The following CFAP61 variants were observed in gnomAD, a reference collection of about 807,000 sequenced individuals.
CFAP61 encodes cilia- and flagella-associated protein 61.
CFAP61 carries 107 observed loss-of-function variants against 135.6 expected under a neutral mutation model. That is an observed-to-expected ratio of 0.79 (90% confidence interval 0.67 to 0.93). The LOEUF is 0.93. Among genes scored for constraint, CFAP61 ranks in the 40% least tolerant of loss-of-function variants. The pLI, the probability that CFAP61 is intolerant of heterozygous loss-of-function variation, is 0.00. For synonymous variants in CFAP61, 575 were observed against 578.5 expected (o/e 0.99, Z 0.09); for missense variants, 1,507 against 1,556.2 (o/e 0.97, Z 0.53).
intron 13 of CFAP61, 119 bp from the exon 14 acceptor site, chr20:20,187,811 T>A: frequency 1.3e-6 from 1 of 769,700 alleles, no homozygotes; most frequent in South Asian, 1.9e-5. Flanking sequence ...CAGTGTTATA[T>A]AAACATACTT....
In CFAP61 at chr20:20,353,809, T is replaced by G. The variant is rs116081277; in HGVS notation, c.3514-6401T>G. Among the ~76,000 whole-genome samples the G allele has an allele frequency of 3.6e-3, 551 of 152,354 alleles. 7 individuals carry two copies. Among genetic ancestry groups the G allele is most frequent in the African/African-American group, 0.013 (525 of 41,584 alleles). On this transcript the variant is annotated intron_variant, in intron 26 of 26. Transcript: ENST00000245957. ...AGCTACCACCTCACCCTTGTTAGTA[T>G]GGCTGTTATAGATAAAAGGTTGGCA...
chr20:20,082,421 C>T (rs1251865566), intron 6 of CFAP61, among the ~76,000 whole-genome samples: 1 of 152,180 alleles, frequency 6.6e-6, no homozygotes, highest in African/African-American at 2.4e-5. Flanking sequence ...AGTGAAGTTA[C>T]TGTTCTGTAC....
chr20:20,156,543 A>T (rs1396651146), intron 9 of CFAP61, among the ~76,000 whole-genome samples: 2 of 152,190 alleles, frequency 1.3e-5, no homozygotes, highest in Non-Finnish European at 2.9e-5. Context: ...GTGCAAAAAG[A>T]TAGGAAAAGA....
At position 20,105,203 on chromosome 20, in the gene CFAP61, C is replaced by T. The variant is rs534332001; in HGVS notation, c.859+6389C>T. On this transcript the variant is annotated intron_variant, in intron 8 of 26. Coordinates refer to ENST00000245957, the MANE Select transcript of CFAP61 (RefSeq NM_015585.4). ...CCGCACCCACCCAACCTTCTGTGCC[C>T]GAGGAAAGTCCCTGTGTCCCACCAA... Among the ~76,000 whole-genome samples, 10 of 152,194 alleles carry T rather than the reference C, an allele frequency of 6.6e-5. No individual in the cohort carries two copies. The South Asian group carries it at 1.5e-3, about 22-fold the overall frequency.
chr20:20,203,497 G>C (rs1166364044), intron 17 of CFAP61, among the ~76,000 whole-genome samples: 1 of 151,936 alleles, frequency 6.6e-6, no homozygotes, highest in East Asian at 1.9e-4. Context: ...GTTTTTGTTG[G>C]TACACAGTAG....
At chr20:20,214,141 G>A (rs2146922822) in intron 17 of CFAP61, among the ~76,000 whole-genome samples, 1 of 152,236 alleles carries the variant, frequency 6.6e-6, no homozygotes, top group East Asian at 1.9e-4. Flanking sequence ...AGGGCAGTGT[G>A]GGGCCCTCTC....
chr20:20,106,048 AT>A (rs1808995207), intron 8 of CFAP61, among the ~76,000 whole-genome samples: 4 of 105,488 alleles, frequency 3.8e-5, no homozygotes, highest in Admixed American at 9.2e-5. Context: ...ATATATATAT[AT>A]AAAATTTGAT....
intron 22 of CFAP61, among the ~76,000 whole-genome samples, chr20:20,279,329 A>G (rs1206003942): frequency 6.6e-6 from 1 of 152,226 alleles, no homozygotes; most frequent in African/African-American, 2.4e-5. Context: ...CTAAAAGCCT[A>G]CTGTTGACCA....
rs775831766 is a variant in CFAP61, at chr20:20,263,011, C to G, written c.2384C>G (p.Pro795Arg). The G allele has an allele frequency of 2.9e-5, 46 of 1,613,776 alleles. 1 individual carries two copies. The East Asian group carries it at 1.0e-3, about 35-fold the overall frequency. The change falls in exon 21 of 27, where the codon CCC becomes CGC. Residue 795 changes from proline to arginine, a missense_variant. Pro to Arg is a moderately radical substitution (Grantham distance 103). Coordinates refer to ENST00000245957, the MANE Select transcript of CFAP61 (RefSeq NM_015585.4). The part of the protein sequence containing the change: ...ISQHLTNREV[P>R]NSSQRRYTGK... ...CAACACCTGACAAACAGGGAGGTTCCCAACAGCAGTCAGCGGCGGTACACG... is the reference window on the plus strand; with the variant it reads ...CAACACCTGACAAACAGGGAGGTTCGCAACAGCAGTCAGCGGCGGTACACG...
At chr20:20,078,026 A>C (rs1027395988) in intron 6 of CFAP61, among the ~76,000 whole-genome samples, 2 of 152,246 alleles carry the variant, frequency 1.3e-5, no homozygotes, top group Non-Finnish European at 2.9e-5. Context: ...GTCATTTCAA[A>C]GTATGTCAAA....
rs180891391 is a variant in CFAP61 at position 20,275,678 on chromosome 20, A to G, written c.2504-1488A>G. Among the ~76,000 whole-genome samples the G allele has an allele frequency of 2.2e-3, 342 of 152,318 alleles. 2 individuals carry two copies. The highest frequency in any genetic ancestry group is 8.1e-3 in the African/African-American group (335 of 41,566). On this transcript the variant is annotated intron_variant, in intron 21 of 26. Transcript: ENST00000245957. Reference sequence around the variant, plus strand: ...ATCCTTAGCTGTGTGAGACCTAAACACACTTAAATTCGTTCAACTGAAAAT... The same window carrying G: ...ATCCTTAGCTGTGTGAGACCTAAACGCACTTAAATTCGTTCAACTGAAAAT...
chr20:20,338,126 T>G (rs1175505311), intron 25 of CFAP61, among the ~76,000 whole-genome samples: 6 of 152,274 alleles, frequency 3.9e-5, no homozygotes, highest in African/African-American at 1.4e-4. Flanking sequence ...GGCTGCTTCA[T>G]AGAGAGGAAA....
At chr20:20,151,525 C>T (rs1322232204) in intron 9 of CFAP61, among the ~76,000 whole-genome samples, 1 of 151,906 alleles carries the variant, frequency 6.6e-6, no homozygotes, top group Non-Finnish European at 1.5e-5. Flanking sequence ...TCTAGACATC[C>T]AAATATAAGA....
intron 18 of CFAP61, among the ~76,000 whole-genome samples, chr20:20,245,664 A>G (rs1026270911): frequency 1.3e-5 from 2 of 152,188 alleles, no homozygotes; most frequent in African/African-American, 2.4e-5. Flanking sequence ...TAGGGATAAT[A>G]GTATTACTGA....
intron 24 of CFAP61, among the ~76,000 whole-genome samples, chr20:20,293,405 C>A (rs1010067803): frequency 1.6e-4 from 25 of 152,128 alleles, no homozygotes; most frequent in Non-Finnish European, 3.1e-4. Flanking sequence ...TACAGAAGAT[C>A]TAAACAGATT....
chr20:20,225,225 A>C (rs2048655065), intron 17 of CFAP61: 1 of 152,232 alleles, frequency 6.6e-6, no homozygotes, highest in African/African-American at 2.4e-5. Flanking sequence ...CAGGCTGGGA[A>C]GAATTTTTTT....
At chr20:20,178,860 G>T (rs938395220) in intron 13 of CFAP61, among the ~76,000 whole-genome samples, 1 of 152,028 alleles carries the variant, frequency 6.6e-6, no homozygotes, top group South Asian at 2.1e-4. Flanking sequence ...TTTTAATTTT[G>T]TGGGTTTTAT....
chr20:20,184,452 GAA>G (rs2055353466), intron 13 of CFAP61: 1 of 152,198 alleles, frequency 6.6e-6, no homozygotes, highest in Non-Finnish European at 1.5e-5. Flanking sequence ...AAAATAAAGA[GAA>G]AGTAGGAAGT....
intron 25 of CFAP61, among the ~76,000 whole-genome samples, chr20:20,306,636 G>C (rs2056492466): frequency 6.6e-6 from 1 of 152,146 alleles, no homozygotes; most frequent in African/African-American, 2.4e-5. Context: ...GTTGGGGTGA[G>C]GGTGGGAGCC....
Sources: gnomAD v4.1 joint callset for allele counts (sites outside exome capture counted in the v4.1 genomes callset) on GRCh38, gnomAD v4.1.1 for gene constraint, MANE v1.5 for transcripts, NCBI Gene and HGNC (gene_info 2026-07-23, HGNC 2026-07-21) for gene names.